The following RTEL1 variants were observed in gnomAD, a reference collection of about 807,000 sequenced individuals.
The protein encoded by RTEL1 is regulator of telomere length.
A neutral mutation model predicts 162.2 loss-of-function variants in RTEL1; 86 were observed. That is an observed-to-expected ratio of 0.53 (90% CI 0.45 to 0.63). The LOEUF is 0.63. Among genes scored for constraint, RTEL1 ranks in the 30% least tolerant of loss-of-function variants. The probability of loss-of-function intolerance (pLI) is 0.00; values close to 1 mark genes in which losing one functional copy is unlikely to be tolerated. For synonymous variants in RTEL1, 958 were observed against 717.9 expected (o/e 1.33, Z -5.35); for missense variants, 1,941 against 1,750.2 (o/e 1.11, Z -1.95).
intron 23 of RTEL1, 39 bp downstream of exon 23, chr20:63,689,687 G>T: frequency 6.2e-7 from 1 of 1,605,130 alleles, no homozygotes; most frequent in Non-Finnish European, 8.5e-7. Flanking sequence ...AAGGCGGTCT[G>T]GTGACTGAGC....
At chr20:63,663,072 C>T in intron 6 of RTEL1, 183 bp downstream of exon 6, 3 of 647,392 alleles carry the variant, frequency 4.6e-6, no homozygotes, top group Non-Finnish European at 8.4e-6. Flanking sequence ...AGAGCTCACA[C>T]AGTGGTCTGA....
In RTEL1 at chr20:63,661,692, C is replaced by T. The variant is rs113869592; in HGVS notation, c.302-158C>T. 70 of 853,418 alleles carry T rather than the reference C, an allele frequency of 8.2e-5. 1 individual carries two copies. Among genetic ancestry groups the T allele is most frequent in the Middle Eastern group, 7.2e-4 (3 of 4,172 alleles). 52.9% of individuals were successfully genotyped at this position (853,418 alleles called of 1,614,324 possible). A position where few individuals can be genotyped will look rare whatever the true frequency, so the allele number is the denominator to read the frequency against. On this transcript the variant is annotated intron_variant, in intron 3 of 34. Coordinates refer to ENST00000360203, the MANE Select transcript of RTEL1 (RefSeq NM_001283009.2). This position sits in a 1 kb window ranked among gnomAD's most constrained non-coding sequence, Gnocchi z 5.1. ...TGGGCTTTTTTGCTGAATTAGGGCA[C>T]GGCAGATGCCCACTTCACCCATTTT... is the stretch of plus-strand genomic sequence containing the variant.
chr20:63,692,927 C>G lies in RTEL1; in HGVS notation c.2775C>G (p.Ser925=). 6.2e-7 allele frequency: 1 copy of G among 1,612,652 alleles called. No homozygotes were observed. The highest frequency in any genetic ancestry group is 1.1e-5 in the South Asian group (1 of 91,092). ...AGGCCCTGCAGGACTACAAGGGTTC[C>G]GATGACTTCGCCGCCCTGGCCGCCT... is the stretch of plus-strand genomic sequence containing the variant. ...FTQALQDYKG[S]DDFAALAACL... Residue 925 remains serine (S), a synonymous_variant, in exon 29 of 35, where the codon TCC becomes TCG. Transcript: ENST00000360203.
chr20:63,678,005 T>C (rs1039597667), intron 10 of RTEL1, 140 bp from the exon 11 acceptor site: 25 of 915,738 alleles, frequency 2.7e-5, no homozygotes, highest in Middle Eastern at 2.2e-4. Flanking sequence ...GTTGGTGGAT[T>C]TGGCCTGCAT....
At position 63,662,872 on chromosome 20, in the gene RTEL1, T is replaced by C; in HGVS notation, c.521T>C (p.Phe174Ser). ...RKKVASRSCH[F>S]YNNVEEKSLE... is the part of the protein sequence containing the mutation. ...AAGGTGGCAAGTCGCTCCTGTCATTTCTACAACAACGTAGAAGGTACAAGC... is the reference window on the plus strand; with the variant it reads ...AAGGTGGCAAGTCGCTCCTGTCATTCCTACAACAACGTAGAAGGTACAAGC... Residue 174 changes from phenylalanine (F) to serine (S), a missense_variant, in exon 6 of 35, where the codon TTC (phenylalanine) becomes TCC (serine). Coordinates refer to ENST00000360203, the MANE Select transcript of RTEL1 (RefSeq NM_001283009.2). 6.2e-7 allele frequency: 1 copy of C among 1,614,038 alleles called. No individual in the cohort carries two copies. Among genetic ancestry groups the C allele is most frequent in the Non-Finnish European group, 8.5e-7 (1 of 1,180,032 alleles).
rs772605324 is a variant in RTEL1, at chr20:63,689,646, C to A, written c.2023C>A (p.Gln675Lys). Residue 675 changes from glutamine to lysine, a missense_variant and splice_region_variant, in exon 23 of 35, where the codon CAG (glutamine) becomes AAG (lysine). Gln to Lys is a moderately conservative substitution (Grantham distance 53). Coordinates refer to ENST00000360203, the MANE Select transcript of RTEL1 (RefSeq NM_001283009.2). ...GAAGGGCCAGGGTGGGGCTGGGGGC[C>A]AGGTGAGTTACAGCAGGGTGGGGCT... ...EMKGQGGAGGQFLSGQEWYRQ... is the reference protein window; with the variant it reads ...EMKGQGGAGGKFLSGQEWYRQ... 19 of 1,608,082 alleles carry A rather than the reference C, an allele frequency of 1.2e-5. No homozygotes were observed. The highest frequency in any genetic ancestry group is 2.7e-5 in the African/African-American group (2 of 74,810).
At position 63,690,334 on chromosome 20, in the gene RTEL1, G is replaced by C. The variant is rs369014080; in HGVS notation, c.2306G>C (p.Arg769Pro). 1 of 1,610,550 alleles carries C rather than the reference G, an allele frequency of 6.2e-7. No individual in the cohort carries two copies. Among genetic ancestry groups the C allele is most frequent in the African/African-American group, 1.3e-5 (1 of 74,856 alleles). Residue 769 changes from arginine to proline, a missense_variant, in exon 26 of 35, where the codon CGT becomes CCT. Arg to Pro is a moderately radical substitution (Grantham distance 103, BLOSUM62 -2). Transcript: ENST00000360203. ...PAPRATAPSV[R>P]GEDAVSEAKS... ...CCCCGGGCTACAGCACCCAGTGTGC[G>C]TGGAGAAGATGCTGTCAGCGAGGCC...
chr20:63,667,061 G>A (rs146155802), intron 7 of RTEL1, among the ~76,000 whole-genome samples: 11,429 of 149,570 alleles, frequency 0.076, 529 homozygotes, highest in East Asian at 0.13. Context: ...GGATGGTCTC[G>A]ATCTTCTGAC....
At chr20:63,672,502 T>C in intron 8 of RTEL1, 54 bp from the exon 9 acceptor site, 1 of 1,431,082 alleles carries the variant, frequency 7.0e-7, no homozygotes, top group Non-Finnish European at 9.6e-7. Context: ...TTGGCTTCCC[T>C]CTTTCCCGGC....
chr20:63,676,341 G>A (rs921366390), intron 10 of RTEL1, among the ~76,000 whole-genome samples: 1 of 152,154 alleles, frequency 6.6e-6, no homozygotes, highest in African/African-American at 2.4e-5. Context: ...GCAGCCACAC[G>A]AGTTCCCCGG....
intron 33 of RTEL1, 44 bp downstream of exon 33, chr20:63,695,265 C>T (rs772280541): frequency 8.7e-6 from 14 of 1,605,808 alleles, no homozygotes; most frequent in East Asian, 6.7e-5. Context: ...CCCAACCGCA[C>T]GCAGCCCTGG....
chr20:63,662,651 G>T (rs369537146), intron 5 of RTEL1, 24 bp downstream of exon 5: 4 of 1,613,058 alleles, frequency 2.5e-6, no homozygotes, highest in Non-Finnish European at 3.4e-6. Flanking sequence ...CTCCCGCTCC[G>T]GCTCAGTGTC....
At chr20:63,662,335 A>G in intron 4 of RTEL1, 3 of 903,182 alleles carry the variant, frequency 3.3e-6, no homozygotes, top group Non-Finnish European at 5.2e-6. Flanking sequence ...GACCAGTGGC[A>G]GGGTGCTGTG....
chr20:63,685,728 A>G, intron 15 of RTEL1, 63 bp from the exon 16 acceptor site: 1 of 1,588,190 alleles, frequency 6.3e-7, no homozygotes, highest in Admixed American at 1.8e-5. Flanking sequence ...TGGTCCTAAA[A>G]GGTAAGGGGC....
At chr20:63,663,093 C>A in intron 6 of RTEL1, 1 of 613,516 alleles carries the variant, frequency 1.6e-6, no homozygotes, top group Non-Finnish European at 2.9e-6. Context: ...GACAGCCAGC[C>A]GGCAAGACTG....
Position 63,696,216 on chromosome 20 carries a change from GCT to G in RTEL1, c.*363_*364del, listed in dbSNP as rs796980202. 5.2e-6 allele frequency: 2 copies of G among 382,758 alleles called. No individual in the cohort carries two copies. The highest frequency in any genetic ancestry group is 4.2e-5 in the Admixed American group (1 of 23,596). 23.7% of individuals were successfully genotyped at this position (382,758 alleles called of 1,614,324 possible). A position where few individuals can be genotyped will look rare whatever the true frequency, so the allele number is the denominator to read the frequency against. ...TGTCCACTTTTAATCAGGGGACAGG[GCT>G]CTCTAATAAAGCTGCTGGCAGTGCC... On this transcript the variant is annotated 3_prime_UTR_variant, in exon 35 of 35. Coordinates refer to ENST00000360203, the MANE Select transcript of RTEL1 (RefSeq NM_001283009.2).
At chr20:63,663,381 CCT>C (rs1357033902) in intron 6 of RTEL1, among the ~76,000 whole-genome samples, 1 of 152,164 alleles carries the variant, frequency 6.6e-6, no homozygotes, top group Non-Finnish European at 1.5e-5. Context: ...AAATTATGGC[CCT>C]GAGTGTGACT....
In RTEL1 at chr20:63,695,336, C is replaced by T. The variant is rs773894104; in HGVS notation, c.3508C>T (p.Arg1170Trp). The stretch of plus-strand genomic sequence containing the variant: ...CAAGTCTCTGTCTCCAGGCCCCTCA[C>T]GGTCCGAGAAGACCGGGAAGACCCA... Reference protein sequence around the residue: ...THRAPQPGPSRSEKTGKTQSK... With the variant: ...THRAPQPGPSWSEKTGKTQSK... The change falls in exon 34 of 35, where the codon CGG becomes TGG. Residue 1170 changes from arginine (R) to tryptophan (W), a missense_variant. Transcript: ENST00000360203. 64 of 1,556,832 alleles carry T rather than the reference C, an allele frequency of 4.1e-5. No individual in the cohort carries two copies. The highest frequency in any genetic ancestry group is 1.3e-4 in the Admixed American group (7 of 53,660).
intron 16 of RTEL1, 79 bp from the exon 17 acceptor site, chr20:63,687,559 T>A: frequency 7.0e-7 from 1 of 1,429,990 alleles, no homozygotes; most frequent in Non-Finnish European, 9.4e-7. Context: ...GTGGAGAGGG[T>A]GATGGGCAGA....
Sources: gnomAD v4.1 joint callset for allele counts (sites outside exome capture counted in the v4.1 genomes callset) on GRCh38, gnomAD v4.1.1 for gene constraint, Gnocchi (gnomAD v3.1) non-coding constraint, MANE v1.5 for transcripts, NCBI Gene and HGNC (gene_info 2026-07-23, HGNC 2026-07-21) for gene names.